Variants in MYO3B observed in about 807,000 individuals in gnomAD.
MYO3B encodes the protein myosin IIIB.
In MYO3B, 156 loss-of-function variants were observed where a neutral mutation model predicts 174.6. That is an observed-to-expected ratio of 0.89 (90% CI 0.78 to 1.02). The LOEUF (loss-of-function observed/expected upper bound fraction) is 1.02, where lower values mean the gene tolerates loss of function less well. MYO3B is among the 50% of genes least tolerant of loss of function. The pLI is 0.00. For missense variants in MYO3B, 1,632 were observed against 1,639.4 expected (o/e 1.00, Z 0.08); for synonymous variants, 563 against 569.1 (o/e 0.99, Z 0.15).
intron 6 of MYO3B, among the ~76,000 whole-genome samples, chr2:170,220,958 C>G (rs753708676): frequency 3.9e-5 from 6 of 152,160 alleles, no homozygotes; most frequent in East Asian, 1.9e-4. Flanking sequence ...AATGGAGAAG[C>G]ATTTTTTCCA....
intron 7 of MYO3B, chr2:170,331,961 A>G (rs1160098885): frequency 6.6e-6 from 1 of 152,224 alleles, no homozygotes; most frequent in African/African-American, 2.4e-5. Flanking sequence ...AGTTGGGTCC[A>G]TCCAGGTAAT....
chr2:170,629,836 C>CGAGACTCTATCTAAAAACAAA (rs1696797014), intron 32 of MYO3B, among the ~76,000 whole-genome samples: 1 of 152,096 alleles, frequency 6.6e-6, no homozygotes, highest in Non-Finnish European at 1.5e-5. Flanking sequence ...CGCAACAGAG[C>CGAGACTCTATCTAAAAACAAA]GAGACTCTAT....
chr2:170,506,015 T>C (rs576717531), intron 28 of MYO3B, among the ~76,000 whole-genome samples: 1 of 152,376 alleles, frequency 6.6e-6, no homozygotes, highest in Non-Finnish European at 1.5e-5. Flanking sequence ...AAGATAACAA[T>C]AGCTCTAACA....
chr2:170,426,651 A>G (rs898491337), intron 22 of MYO3B, among the ~76,000 whole-genome samples: 1 of 152,116 alleles, frequency 6.6e-6, no homozygotes, highest in African/African-American at 2.4e-5. Context: ...TATGTGAAGG[A>G]TAAGCAAAGG....
At chr2:170,463,191 A>G (rs1684414430) in intron 23 of MYO3B, among the ~76,000 whole-genome samples, 177 bp from the exon 24 acceptor site, 1 of 152,230 alleles carries the variant, frequency 6.6e-6, no homozygotes, top group Admixed American at 6.5e-5. Context: ...GAGTAGAACA[A>G]TGCATATTCT....
chr2:170,352,066 C>CCT (rs961101628), intron 8 of MYO3B, among the ~76,000 whole-genome samples: 35 of 152,210 alleles, frequency 2.3e-4, no homozygotes, highest in African/African-American at 8.0e-4. Context: ...GATCCTCTTG[C>CCT]CTCAGCCTCC....
intron 3 of MYO3B, among the ~76,000 whole-genome samples, chr2:170,204,454 G>A (rs1157097962): frequency 6.6e-6 from 1 of 152,180 alleles, no homozygotes; most frequent in Non-Finnish European, 1.5e-5. Flanking sequence ...TGTGTTGCAT[G>A]GGCCATTCTT....
intron 32 of MYO3B, among the ~76,000 whole-genome samples, chr2:170,615,620 A>T (rs1039573935): frequency 6.6e-6 from 1 of 152,244 alleles, no homozygotes; most frequent in Non-Finnish European, 1.5e-5. Flanking sequence ...CATTTGTTAT[A>T]TCACAGTTTC....
At chr2:170,389,365 G>A (rs1394391983) in intron 14 of MYO3B, among the ~76,000 whole-genome samples, 1 of 152,142 alleles carries the variant, frequency 6.6e-6, no homozygotes, top group Non-Finnish European at 1.5e-5. Context: ...GTAAGATGGG[G>A]GCTGCTCTGC....
intron 32 of MYO3B, among the ~76,000 whole-genome samples, chr2:170,639,217 G>C (rs1323951684): frequency 1.3e-5 from 2 of 152,190 alleles, no homozygotes; most frequent in African/African-American, 4.8e-5. Flanking sequence ...TAGTTCACTA[G>C]GTGATTTGCA....
chr2:170,369,144 C>T, intron 8 of MYO3B, 78 bp from the exon 9 acceptor site: 5 of 1,331,500 alleles, frequency 3.8e-6, no homozygotes, highest in Non-Finnish European at 5.1e-6. Context: ...CTTTTACCTT[C>T]TCTCCATCTC....
intron 30 of MYO3B, among the ~76,000 whole-genome samples, chr2:170,527,639 A>T (rs1055989085): frequency 2.0e-5 from 3 of 152,204 alleles, no homozygotes; most frequent in Non-Finnish European, 4.4e-5. Context: ...AGAGGAAACG[A>T]TTCAGCTACA....
chr2:170,479,799 T>C, intron 25 of MYO3B, among the ~76,000 whole-genome samples: 1 of 148,206 alleles, frequency 6.7e-6, no homozygotes, highest in Admixed American at 6.8e-5. Flanking sequence ...GAACTAAATA[T>C]ATTAGTATAC....
intron 8 of MYO3B, among the ~76,000 whole-genome samples, chr2:170,338,843 T>C (rs2093961126): frequency 6.6e-6 from 1 of 152,176 alleles, no homozygotes; most frequent in African/African-American, 2.4e-5. Context: ...CCTCAAGTGA[T>C]CTGCCCACCT....
rs538122680 is a variant in MYO3B, at chr2:170,233,977, C to T, written c.604-2014C>T. Among the ~76,000 whole-genome samples the T allele has an allele frequency of 9.2e-5, 14 of 151,774 alleles. 1 individual carries two copies. The South Asian group carries it at 2.9e-3, about 32-fold the overall frequency. ...ACGAGGTCAGGAGATCGAGACCATC[C>T]CGGCTATAACGGTGAAACCCCGTCT... On this transcript the variant is annotated intron_variant, in intron 6 of 34. Coordinates refer to ENST00000408978, the MANE Select transcript of MYO3B (RefSeq NM_138995.5).
Position 170,552,591 on chromosome 2 carries a change from G to A in MYO3B, c.3733+8603G>A, listed in dbSNP as rs370105166. Among the ~76,000 whole-genome samples, 116 of 152,256 alleles carry A rather than the reference G, an allele frequency of 7.6e-4. 2 individuals are homozygous for A. The highest frequency in any genetic ancestry group is 2.6e-3 in the African/African-American group (109 of 41,564). On this transcript the variant is annotated intron_variant, in intron 32 of 34. Coordinates refer to ENST00000408978, the MANE Select transcript of MYO3B (RefSeq NM_138995.5). ...CAAAGAAATGACCTGAAACTAGAAC[G>A]TTTATTTAAAAGGGAAGCAGAGCAT...
intron 16 of MYO3B, among the ~76,000 whole-genome samples, chr2:170,398,180 G>A (rs1203201348): frequency 2.9e-5 from 4 of 137,644 alleles, no homozygotes; most frequent in African/African-American, 8.4e-5. Context: ...CCATGATCAC[G>A]CCATTGCACT....
intron 32 of MYO3B, among the ~76,000 whole-genome samples, chr2:170,626,748 G>T (rs1179822918): frequency 6.6e-6 from 1 of 152,180 alleles, no homozygotes; most frequent in Non-Finnish European, 1.5e-5. Flanking sequence ...GCCTGGTGGT[G>T]ACAGAATCTC....
chr2:170,510,639 C>T (rs1412563141), intron 28 of MYO3B, among the ~76,000 whole-genome samples: 1 of 151,426 alleles, frequency 6.6e-6, no homozygotes, highest in East Asian at 1.9e-4. Context: ...GGTCCTGAAG[C>T]CAATGACTGG....
Sources: gnomAD v4.1 joint callset for allele counts (sites outside exome capture counted in the v4.1 genomes callset) on GRCh38, gnomAD v4.1.1 for gene constraint, MANE v1.5 for transcripts, NCBI Gene and HGNC (gene_info 2026-07-23, HGNC 2026-07-21) for gene names.